Variants in CNIH3 observed in about 807,000 individuals in gnomAD.
The protein encoded by CNIH3 is cornichon family AMPA receptor auxiliary protein 3.
CNIH3 carries 14 observed loss-of-function variants against 24.1 expected under a neutral mutation model. The ratio of observed to expected loss-of-function variants is 0.58; its 90% CI spans 0.38 to 0.91. The LOEUF is 0.91. Among genes scored for constraint, CNIH3 ranks in the 40% least tolerant of loss-of-function variants. The pLI, the probability that CNIH3 is intolerant of heterozygous loss-of-function variation, is 0.00. For synonymous variants in CNIH3, 68 were observed against 73.8 expected (o/e 0.92, Z 0.40); for missense variants, 178 against 196.8 (o/e 0.90, Z 0.57).
intron 4 of CNIH3, among the ~76,000 whole-genome samples, chr1:224,572,686 G>A (rs1024838333): frequency 1.3e-5 from 2 of 151,044 alleles, no homozygotes; most frequent in Non-Finnish European, 2.9e-5. Flanking sequence ...TTTTAATAGC[G>A]ATTGTATTCA....
intron 3 of CNIH3, among the ~76,000 whole-genome samples, chr1:224,718,594 C>T (rs1688553452): frequency 6.6e-6 from 1 of 151,976 alleles, no homozygotes; most frequent in South Asian, 2.1e-4. Context: ...TGAAAAATAG[C>T]TTAGGGTGGA....
At chr1:224,506,263 A>G (rs957019151) in intron 1 of CNIH3, among the ~76,000 whole-genome samples, 2 of 123,462 alleles carry the variant, frequency 1.6e-5, no homozygotes, top group African/African-American at 6.1e-5. Context: ...ACTCATATGC[A>G]CGCACACGCG....
chr1:224,702,744 T>G (rs1366888174), intron 3 of CNIH3, among the ~76,000 whole-genome samples: 1 of 152,204 alleles, frequency 6.6e-6, no homozygotes, highest in African/African-American at 2.4e-5. Context: ...CGTGGTGTTT[T>G]CAAAAGCTCT....
chr1:224,484,841 CA>C (rs1280627979), intron 1 of CNIH3, among the ~76,000 whole-genome samples: 1 of 152,072 alleles, frequency 6.6e-6, no homozygotes, highest in Non-Finnish European at 1.5e-5. Flanking sequence ...TAAGAGTCTT[CA>C]AAAAATATCT....
At chr1:224,569,533 G>GT (rs1680727909) in intron 4 of CNIH3, among the ~76,000 whole-genome samples, 1 of 152,124 alleles carries the variant, frequency 6.6e-6, no homozygotes, top group African/African-American at 2.4e-5. Context: ...GAGCTCTAGG[G>GT]TATAATCCTG....
intron 4 of CNIH3, among the ~76,000 whole-genome samples, chr1:224,582,937 A>G (rs753175470): frequency 6.6e-6 from 1 of 152,174 alleles, no homozygotes; most frequent in Non-Finnish European, 1.5e-5. Flanking sequence ...GCCTGAGTGG[A>G]TGTGTTGCTG....
chr1:224,542,734 T>C (rs774684466), intron 2 of CNIH3, among the ~76,000 whole-genome samples: 21 of 152,146 alleles, frequency 1.4e-4, no homozygotes, highest in Non-Finnish European at 1.3e-4. Flanking sequence ...CTAGGAACAG[T>C]CCAGTTAGAA....
chr1:224,453,160 A>G (rs968768601), intron 1 of CNIH3, among the ~76,000 whole-genome samples: 1 of 151,364 alleles, frequency 6.6e-6, no homozygotes, highest in African/African-American at 2.4e-5. Context: ...TATAATATAT[A>G]TATTGTGTGT....
intron 4 of CNIH3, among the ~76,000 whole-genome samples, chr1:224,580,805 C>CA (rs59069164): frequency 0.21 from 24,771 of 117,442 alleles, 2,422 homozygotes; most frequent in East Asian, 0.31. Flanking sequence ...GACTCTGTCT[C>CA]AAAAAAAAAA....
chr1:224,698,739 G>A (rs74146249), intron 3 of CNIH3, among the ~76,000 whole-genome samples: 8 of 152,312 alleles, frequency 5.3e-5, no homozygotes, highest in South Asian at 2.1e-4. Context: ...TGTAAAAAGC[G>A]TGCTTTCCTT....
In CNIH3 at chr1:224,555,174, G is replaced by A. The variant is rs983056275; in HGVS notation, n.450+8235G>A. On this transcript the variant is annotated intron_variant and non_coding_transcript_variant, in intron 3 of 5. Transcript: ENST00000471578. ...TCCATCCTTCACATATAAGGAAAAT[G>A]AGGCTCAAAAAGATTGAGCCACTTG... Among the ~76,000 whole-genome samples the A allele has an allele frequency of 2.0e-5, 3 of 152,144 alleles. No individual in the cohort carries two copies. In the South Asian group the frequency reaches 6.2e-4, roughly 31 times the overall value.
At chr1:224,528,002 C>T (rs762290995) in intron 2 of CNIH3, among the ~76,000 whole-genome samples, 3 of 152,148 alleles carry the variant, frequency 2.0e-5, no homozygotes, top group Non-Finnish European at 4.4e-5. Context: ...TGGCTCATGC[C>T]TGTAATTCCA....
At chr1:224,631,292 G>A (rs963013758) in intron 1 of CNIH3, among the ~76,000 whole-genome samples, 3 of 152,090 alleles carry the variant, frequency 2.0e-5, no homozygotes, top group African/African-American at 7.2e-5. Flanking sequence ...CCATGCCACC[G>A]TGAATCCACC....
At chr1:224,510,781 G>C (rs1164711261) in intron 1 of CNIH3, among the ~76,000 whole-genome samples, 2 of 152,128 alleles carry the variant, frequency 1.3e-5, no homozygotes, top group African/African-American at 4.8e-5. Flanking sequence ...TCCAAAGGGG[G>C]TTCTGGAGCA....
At chr1:224,611,637 G>C (rs1682704094), upstream of CNIH3, 1 of 152,244 alleles carries the variant, frequency 6.6e-6, no homozygotes, top group Admixed American at 6.5e-5. Flanking sequence ...AGTTCAAACT[G>C]TGTCATATGG....
chr1:224,734,490 A>C, intron 4 of CNIH3, 73 bp from the exon 5 acceptor site: 2 of 1,500,032 alleles, frequency 1.3e-6, no homozygotes, highest in Non-Finnish European at 9.2e-7. Flanking sequence ...GAAGCCCTGC[A>C]TCGGAAGGGT....
chr1:224,580,536 C>A (rs887652128), intron 4 of CNIH3, among the ~76,000 whole-genome samples: 3 of 152,140 alleles, frequency 2.0e-5, no homozygotes, highest in African/African-American at 7.2e-5. Context: ...TCTTCTGAAT[C>A]CACATGTTAC....
intron 1 of CNIH3, among the ~76,000 whole-genome samples, chr1:224,475,147 G>T (rs1439942965): frequency 6.6e-6 from 1 of 151,002 alleles, no homozygotes; most frequent in Non-Finnish European, 1.5e-5. Flanking sequence ...TCACGGTCAG[G>T]AGATCAACAC....
intron 3 of CNIH3, among the ~76,000 whole-genome samples, chr1:224,609,586 T>C (rs1682590127): frequency 6.6e-6 from 1 of 152,332 alleles, no homozygotes; most frequent in South Asian, 2.1e-4. Flanking sequence ...TGATATATCA[T>C]ACCAGTTATT....
Sources: gnomAD v4.1 joint callset for allele counts (sites outside exome capture counted in the v4.1 genomes callset) on GRCh38, gnomAD v4.1.1 for gene constraint, MANE v1.5 for transcripts, NCBI Gene and HGNC (gene_info 2026-07-23, HGNC 2026-07-21) for gene names.